The following ADAMTS20 variants were observed in gnomAD, a reference collection of about 807,000 sequenced individuals.
ADAMTS20 encodes the protein A disintegrin and metalloproteinase with thrombospondin motifs 20.
A neutral mutation model predicts 260.1 loss-of-function variants in ADAMTS20; 225 were observed. The observed-to-expected ratio is 0.87, with a 90% confidence interval of 0.78 to 0.97. ADAMTS20 has a LOEUF of 0.97. Among genes scored for constraint, ADAMTS20 ranks in the 50% least tolerant of loss-of-function variants. ADAMTS20 has a pLI of 0.00. For synonymous variants in ADAMTS20, 802 were observed against 769.5 expected, an observed-to-expected ratio of 1.04 and a Z score of -0.70; for missense variants, 2,400 against 2,337.7, an observed-to-expected ratio of 1.03 and a Z score of -0.55.
intron 7 of ADAMTS20, among the ~76,000 whole-genome samples, chr12:43,477,243 C>T (rs1158870959): frequency 6.6e-6 from 1 of 151,854 alleles, no homozygotes; most frequent in Non-Finnish European, 1.5e-5. Context: ...AGGAATAGTC[C>T]AGAATGTCTA....
At chr12:43,502,014 A>G (rs1942773519) in intron 4 of ADAMTS20, 138 bp downstream of exon 4, 7 of 766,770 alleles carry the variant, frequency 9.1e-6, no homozygotes, top group East Asian at 2.9e-5. Flanking sequence ...CTAAACTTCA[A>G]TGAAATCTTA....
intron 3 of ADAMTS20, among the ~76,000 whole-genome samples, chr12:43,507,509 T>C (rs777466642): frequency 4.1e-4 from 62 of 152,196 alleles, no homozygotes; most frequent in Admixed American, 9.8e-4. Flanking sequence ...TCCCATCTTA[T>C]CTTCTACTGC....
chr12:43,460,986 ATATTTTTTTT>A (rs1427520287), intron 11 of ADAMTS20, among the ~76,000 whole-genome samples: 7 of 40,936 alleles, frequency 1.7e-4, no homozygotes, highest in Non-Finnish European at 2.2e-4. Flanking sequence ...ATATATATAT[ATATTTTTTTT>A]TTTTTTTTTT....
intron 11 of ADAMTS20, 81 bp downstream of exon 11, chr12:43,462,814 A>G (rs1942086692): frequency 1.0e-5 from 12 of 1,153,882 alleles, no homozygotes; most frequent in Non-Finnish European, 1.5e-5. Context: ...ACAGCAAATA[A>G]CAAACAGAGT....
intron 7 of ADAMTS20, among the ~76,000 whole-genome samples, chr12:43,471,628 G>A (rs2137394566): frequency 7.2e-6 from 1 of 138,202 alleles, no homozygotes; most frequent in Non-Finnish European, 1.6e-5. Flanking sequence ...CCAGCACGCA[G>A]CTGGAGATCT....
At chr12:43,460,988 A>ATATT in intron 11 of ADAMTS20, among the ~76,000 whole-genome samples, 1 of 26,394 alleles carries the variant, frequency 3.8e-5, no homozygotes, top group African/African-American at 1.3e-4. Context: ...ATATATATAT[A>ATATT]TTTTTTTTTT....
At chr12:43,480,296 A>T (rs1301926631) in intron 7 of ADAMTS20, among the ~76,000 whole-genome samples, 4 of 152,200 alleles carry the variant, frequency 2.6e-5, no homozygotes, top group Non-Finnish European at 5.9e-5. Context: ...GCATGAAATT[A>T]GCAAGTAGAA....
At position 43,356,539 on chromosome 12, in the gene ADAMTS20, G is replaced by A. The variant is rs759820550; in HGVS notation, c.5588C>T (p.Thr1863Ile). Residue 1863 changes from threonine (T) to isoleucine (I), a missense_variant, in exon 38 of 39, where the codon ACA becomes ATA. Coordinates refer to ENST00000389420, the MANE Select transcript of ADAMTS20 (RefSeq NM_025003.5). ...LSGTGMKISS[T>I]AKWLTQGSYT... Reference sequence around the variant, plus strand: ...ACTCCCCTGAGTGAGCCACTTTGCTGTGCTGGATATCTTCATCCCAGTTCC... The same window carrying A: ...ACTCCCCTGAGTGAGCCACTTTGCTATGCTGGATATCTTCATCCCAGTTCC... 1.2e-6 allele frequency: 2 copies of A among 1,612,178 alleles called. No individual in the cohort carries two copies. Among genetic ancestry groups the A allele is most frequent in the South Asian group, 2.2e-5 (2 of 90,556 alleles).
chr12:43,531,401 G>A (rs557741493), intron 3 of ADAMTS20, among the ~76,000 whole-genome samples: 63 of 151,712 alleles, frequency 4.2e-4, no homozygotes, highest in Non-Finnish European at 7.7e-4. Flanking sequence ...ATGATTATTT[G>A]CTACCAATCT....
rs1376859052 is a variant in ADAMTS20 at position 43,502,046 on chromosome 12, C to T, written c.867+106G>A. The T allele has an allele frequency of 4.5e-6, 5 of 1,101,472 alleles. No homozygotes were observed. In the East Asian group the frequency reaches 8.4e-5, roughly 19 times the overall value. The allele number at this position is 1,101,472 out of a possible 1,614,324, so 68.2% of individuals were successfully genotyped here. On this transcript the variant is annotated intron_variant, in intron 4 of 38. Transcript: ENST00000389420. ...CTTATTTTTGGCTTAAACCTAGATACAAAATTACATCTAAAGAGTTTGGAA... is the reference window on the plus strand; with the variant it reads ...CTTATTTTTGGCTTAAACCTAGATATAAAATTACATCTAAAGAGTTTGGAA...
intron 3 of ADAMTS20, among the ~76,000 whole-genome samples, chr12:43,522,497 C>A (rs1943086186): frequency 6.6e-6 from 1 of 152,186 alleles, no homozygotes; most frequent in Admixed American, 6.5e-5. Context: ...TAACCCATGA[C>A]ACTGAGATGA....
At chr12:43,431,737 A>G (rs1221050789) in intron 21 of ADAMTS20, among the ~76,000 whole-genome samples, 4 of 152,174 alleles carry the variant, frequency 2.6e-5, no homozygotes, top group Non-Finnish European at 5.9e-5. Flanking sequence ...TAACCTTAGA[A>G]TAAGTATTCA....
intron 28 of ADAMTS20, chr12:43,422,970 G>A (rs572032230): frequency 2.9e-4 from 44 of 152,062 alleles, no homozygotes; most frequent in African/African-American, 8.2e-4. Flanking sequence ...ATATCACAGT[G>A]GATATGTAGA....
At chr12:43,416,304 G>A (rs929741012) in intron 28 of ADAMTS20, among the ~76,000 whole-genome samples, 1 of 151,146 alleles carries the variant, frequency 6.6e-6, no homozygotes, top group African/African-American at 2.4e-5. Flanking sequence ...TTTATGATGA[G>A]AATTGTCCAC....
Position 43,492,682 on chromosome 12 carries a change from C to T in ADAMTS20, c.952-53G>A, listed in dbSNP as rs1325063918. 1.4e-5 allele frequency: 23 copies of T among 1,593,384 alleles called. No homozygotes were observed. The Admixed American group carries it at 3.9e-4, about 27-fold the overall frequency. ...TGTCAAAATATTAACGTCCTCTTTT[C>T]CTTCCAAGTTTATCAGCATCTGCAC... On this transcript the variant is annotated intron_variant, in intron 5 of 38. Transcript: ENST00000389420.
At chr12:43,456,224 A>T (rs551759657) in intron 11 of ADAMTS20, among the ~76,000 whole-genome samples, 13 of 152,366 alleles carry the variant, frequency 8.5e-5, no homozygotes, top group South Asian at 8.3e-4. Context: ...AAAAAAGAAC[A>T]AAGACAATAT....
chr12:43,427,588 C>A, intron 26 of ADAMTS20, 119 bp from the exon 27 acceptor site: 1 of 924,748 alleles, frequency 1.1e-6, no homozygotes, highest in Non-Finnish European at 1.5e-6. Context: ...TTAGAATCTC[C>A]TTCATTGGAA....
chr12:43,431,524 A>G (rs146573767), intron 21 of ADAMTS20, 28 bp from the exon 22 acceptor site: 1 of 1,612,340 alleles, frequency 6.2e-7, no homozygotes, highest in East Asian at 2.2e-5. Context: ...ATCATTATTT[A>G]TTTGCAGCAT....
chr12:43,501,100 G>A (rs1424452315), intron 4 of ADAMTS20, among the ~76,000 whole-genome samples: 3 of 113,684 alleles, frequency 2.6e-5, no homozygotes, highest in Admixed American at 2.5e-4. Context: ...CTCTTGTTGC[G>A]CAGGCTGGAG....
Sources: gnomAD v4.1 joint callset for allele counts (sites outside exome capture counted in the v4.1 genomes callset) on GRCh38, gnomAD v4.1.1 for gene constraint, MANE v1.5 for transcripts, NCBI Gene and HGNC (gene_info 2026-07-23, HGNC 2026-07-21) for gene names.